NDUFV1: variants seen among roughly 807,000 people sequenced by gnomAD.
NDUFV1 encodes NADH:ubiquinone oxidoreductase core subunit V1, also known as NADH dehydrogenase [ubiquinone] flavoprotein 1, mitochondrial.
In NDUFV1, 41 loss-of-function variants were observed where a neutral mutation model predicts 48.7. That is an observed-to-expected ratio of 0.84 (90% confidence interval 0.66 to 1.09). The LOEUF is 1.09. Ranked by LOEUF, NDUFV1 falls within the 50% of genes least tolerant of loss-of-function variation. The pLI is 0.00. For missense variants in NDUFV1, 580 were observed against 645.4 expected (o/e 0.90, Z 1.10); for synonymous variants, 231 against 259.1 (o/e 0.89, Z 1.04).
At chr11:67,608,000 G>A (rs1311156503) in intron 1 of NDUFV1, among the ~76,000 whole-genome samples, 1 of 152,146 alleles carries the variant, frequency 6.6e-6, no homozygotes, top group Non-Finnish European at 1.5e-5. Context: ...GCTGAGGCGG[G>A]CGGATCGCTT....
At position 67,610,516 on chromosome 11, in the gene NDUFV1, A is replaced by G. The variant is rs1256943258; in HGVS notation, c.646A>G (p.Ile216Val). The change falls in exon 5 of 10, where the codon ATT (isoleucine) becomes GTT (valine). Residue 216 changes from isoleucine (I) to valine (V), a missense_variant. Transcript: ENST00000322776. ...CGEETALIES[I>V]EGKQGKPRLK... ...AGAGGAGACAGCGCTCATCGAGTCC[A>G]TTGAGGGCAAGCAGGGCAAGCCCCG... The G allele has an allele frequency of 1.9e-6, 3 of 1,614,064 alleles. No individual in the cohort carries two copies. Among genetic ancestry groups the G allele is most frequent in the Non-Finnish European group, 2.5e-6 (3 of 1,180,028 alleles).
rs1425830856 is a variant in NDUFV1, at chr11:67,611,380, T to TG, written c.914-19dup. ...CCCCAGCCCTGACCATGCATCCCTT[T>TG]GGGGACCGACTTGGGGCCCCAGGGG... is the stretch of plus-strand genomic sequence containing the variant. On this transcript the variant is annotated intron_variant, in intron 6 of 9. Transcript: ENST00000322776. This position sits in a 1 kb window ranked among gnomAD's most constrained non-coding sequence, Gnocchi z 4.2. 1 of 1,612,056 alleles carries TG rather than the reference T, an allele frequency of 6.2e-7. No homozygotes were observed. Among genetic ancestry groups the TG allele is most frequent in the Non-Finnish European group, 8.5e-7 (1 of 1,179,606 alleles).
intron 1 of NDUFV1, 49 bp downstream of exon 1, chr11:67,607,125 C>A (rs1463835285): frequency 1.3e-6 from 2 of 1,561,868 alleles, no homozygotes; most frequent in Non-Finnish European, 1.7e-6. Flanking sequence ...CCGGGTGTCG[C>A]GGCCGCGCCC....
intron 1 of NDUFV1, chr11:67,608,141 A>G (rs1854844360): frequency 1.9e-6 from 1 of 533,750 alleles, no homozygotes; most frequent in East Asian, 3.4e-5. Flanking sequence ...CACAAGAATT[A>G]TTTGAACCTG....
Position 67,611,313 on chromosome 11 carries a change from G to T in NDUFV1, c.914-90G>T. The T allele has an allele frequency of 6.3e-7, 1 of 1,594,158 alleles. No individual in the cohort carries two copies. The highest frequency in any genetic ancestry group is 8.6e-7 in the Non-Finnish European group (1 of 1,167,550). ...TCAGGAGACGGGGCTGGGTCTAGGG[G>T]CTGACTAAGGGCCTGGGCTCAGGAC... On this transcript the variant is annotated intron_variant, in intron 6 of 9. Transcript: ENST00000322776. This position sits in a 1 kb window ranked among gnomAD's most constrained non-coding sequence, Gnocchi z 4.2.
In NDUFV1 at chr11:67,607,042, C is replaced by T; in HGVS notation, c.38C>T (p.Pro13Leu). 2 of 1,609,316 alleles carry T rather than the reference C, an allele frequency of 1.2e-6. No homozygotes were observed. The highest frequency in any genetic ancestry group is 1.3e-5 in the African/African-American group (1 of 75,028). Residue 13 changes from proline (P) to leucine (L), a missense_variant, in exon 1 of 10, where the codon CCC (proline) becomes CTC (leucine). By Grantham distance (98) the Pro-to-Leu change is moderately conservative. Coordinates refer to ENST00000322776, the MANE Select transcript of NDUFV1 (RefSeq NM_007103.4). ...ATRRLLGWSL[P>L]ARVSVRFSGD... is the part of the protein sequence containing the mutation. The stretch of plus-strand genomic sequence containing the variant: ...CGGCGGCTGCTCGGCTGGTCGCTTC[C>T]CGCGCGGGTATCTGTGCGTTTCAGC...
intron 1 of NDUFV1, chr11:67,607,556 C>T (rs1393419766): frequency 2.2e-6 from 1 of 453,908 alleles, no homozygotes; most frequent in Non-Finnish European, 4.4e-6. Context: ...CCCTCCATCA[C>T]CTGTGTGTTA....
intron 5 of NDUFV1, 132 bp downstream of exon 5, chr11:67,610,702 A>G: frequency 2.3e-6 from 3 of 1,288,120 alleles, no homozygotes; most frequent in Non-Finnish European, 3.3e-6. Flanking sequence ...TAGGCTGGCA[A>G]CAACACACAG....
At chr11:67,610,070 A>G in intron 4 of NDUFV1, 1 of 419,184 alleles carries the variant, frequency 2.4e-6, no homozygotes, top group Non-Finnish European at 4.3e-6. Flanking sequence ...AGGCAATTAC[A>G]TTTTTATTTT....
In NDUFV1 at chr11:67,611,164, G is replaced by A. The variant is rs779159672; in HGVS notation, c.870G>A (p.Glu290=). 6.2e-7 allele frequency: 1 copy of A among 1,614,222 alleles called. No individual in the cohort carries two copies. The highest frequency in any genetic ancestry group is 1.1e-5 in the South Asian group (1 of 91,088). ...GHVNHPCTVE[E]EMSVPLKELI... ...TCAACCACCCTTGCACTGTGGAGGA[G>A]GAGATGTCTGTGCCCTTGAAAGAAC... The change falls in exon 6 of 10, where the codon GAG becomes GAA. Residue 290 remains glutamate, a synonymous_variant. Transcript: ENST00000322776. This position sits in a 1 kb window ranked among gnomAD's most constrained non-coding sequence, Gnocchi z 4.2.
rs975701103 is a variant in NDUFV1 at position 67,607,132 on chromosome 11, G to A, written c.72+56G>A. 3.9e-6 allele frequency: 6 copies of A among 1,544,196 alleles called. No homozygotes were observed. The African/African-American group carries it at 5.4e-5, about 14-fold the overall frequency. On this transcript the variant is annotated intron_variant, in intron 1 of 9. Transcript: ENST00000322776. ...GTTTGGGGCCGGGTGTCGCGGCCGC[G>A]CCCGTGCACGAGCAGTCCCTGGGGT...
At chr11:67,607,454 A>T in intron 1 of NDUFV1, 1 of 488,362 alleles carries the variant, frequency 2.0e-6, no homozygotes, top group Non-Finnish European at 4.0e-6. Flanking sequence ...GAAGTGGCTG[A>T]AAAGTGCTCT....
rs528790418 is a variant in NDUFV1 at position 67,611,406 on chromosome 11, G to C, written c.917G>C (p.Gly306Ala). 1.2e-6 allele frequency: 2 copies of C among 1,613,658 alleles called. No homozygotes were observed. Among genetic ancestry groups the C allele is most frequent in the Non-Finnish European group, 1.7e-6 (2 of 1,179,976 alleles). Residue 306 changes from glycine to alanine, a missense_variant, in exon 7 of 10, where the codon GGT (glycine) becomes GCT (alanine). Physicochemically the swap from Gly to Ala is moderately conservative, Grantham distance 60 (BLOSUM62 0). Transcript: ENST00000322776. The surrounding 1 kb of genome is among the most constrained non-coding windows in gnomAD (Gnocchi z 4.2). ...GGGGACCGACTTGGGGCCCCAGGGGGTGTCACGGGCGGCTGGGACAACCTC... is the reference window on the plus strand; with the variant it reads ...GGGGACCGACTTGGGGCCCCAGGGGCTGTCACGGGCGGCTGGGACAACCTC... ...LKELIEKHAGGVTGGWDNLLA... is the reference protein window; with the variant it reads ...LKELIEKHAGAVTGGWDNLLA...
intron 4 of NDUFV1, 60 bp from the exon 5 acceptor site, chr11:67,610,321 A>T: frequency 3.8e-6 from 6 of 1,599,432 alleles, no homozygotes; most frequent in African/African-American, 1.3e-5. Context: ...TGACTCCTGA[A>T]GTTATAGGCT....
intron 1 of NDUFV1, chr11:67,608,195 C>T: frequency 3.3e-6 from 2 of 609,490 alleles, no homozygotes; most frequent in East Asian, 5.6e-5. Context: ...CACTGCACTC[C>T]AGCCTAGGCA....
At position 67,611,244 on chromosome 11, in the gene NDUFV1, G is replaced by C; in HGVS notation, c.913+37G>C. ...GGCCAGCCAGGTGGTGGGGGGGTGC[G>C]CAGTGGGGGCAGGTGTCCACAAAGA... On this transcript the variant is annotated intron_variant, in intron 6 of 9. Coordinates refer to ENST00000322776, the MANE Select transcript of NDUFV1 (RefSeq NM_007103.4). This position sits in a 1 kb window ranked among gnomAD's most constrained non-coding sequence, Gnocchi z 4.2. The C allele has an allele frequency of 6.5e-7, 1 of 1,526,724 alleles. No individual in the cohort carries two copies. The highest frequency in any genetic ancestry group is 9.1e-7 in the Non-Finnish European group (1 of 1,101,496). 94.6% of individuals were successfully genotyped at this position (1,526,724 alleles called of 1,614,324 possible).
At position 67,608,129 on chromosome 11, in the gene NDUFV1, G is replaced by A. The variant is rs532117749; in HGVS notation, c.73-267G>A. On this transcript the variant is annotated intron_variant, in intron 1 of 9. Transcript: ENST00000322776. ...GTAATCCCAGCTATCCAGAGGCTGAGGCACAAGAATTATTTGAACCTGGGA... is the reference window on the plus strand; with the variant it reads ...GTAATCCCAGCTATCCAGAGGCTGAAGCACAAGAATTATTTGAACCTGGGA... The A allele has an allele frequency of 5.7e-5, 29 of 512,714 alleles. 1 individual carries two copies. In the South Asian group the frequency reaches 5.8e-4, roughly 10 times the overall value. 31.8% of individuals were successfully genotyped at this position (512,714 alleles called of 1,614,324 possible). A position where few individuals can be genotyped will look rare whatever the true frequency, so the allele number is the denominator to read the frequency against.
chr11:67,610,818 T>C lies in NDUFV1; in HGVS notation c.701-177T>C. On this transcript the variant is annotated intron_variant, in intron 5 of 9. Coordinates refer to ENST00000322776, the MANE Select transcript of NDUFV1 (RefSeq NM_007103.4). ...AGTGCCTGTTCTGAGGCTAAGGGCATGGGGTGAACAAGGCAATGGGCATCT... is the reference window on the plus strand; with the variant it reads ...AGTGCCTGTTCTGAGGCTAAGGGCACGGGGTGAACAAGGCAATGGGCATCT... 3 of 772,190 alleles carry C rather than the reference T, an allele frequency of 3.9e-6. No homozygotes were observed. In the South Asian group the frequency reaches 5.0e-5, roughly 13 times the overall value. The allele number at this position is 772,190 out of a possible 1,614,324, so 47.8% of individuals were successfully genotyped here.
At chr11:67,607,670 C>T (rs1256823336) in intron 1 of NDUFV1, 4 of 355,230 alleles carry the variant, frequency 1.1e-5, no homozygotes, top group African/African-American at 2.1e-5. Context: ...GCAGGGGAGC[C>T]AGGCCGGGAA....
Sources: allele counts gnomAD v4.1 joint callset (sites outside exome capture counted in the v4.1 genomes callset), GRCh38; gene constraint gnomAD v4.1.1; non-coding constraint Gnocchi (gnomAD v3.1); transcripts MANE v1.5; gene names NCBI Gene and HGNC (gene_info 2026-07-23, HGNC 2026-07-21).